MAP4: variants seen among roughly 807,000 people sequenced by gnomAD.
The protein encoded by MAP4 is microtubule-associated protein 4.
Under a neutral mutation model 170.2 loss-of-function variants are expected in MAP4, and 76 were observed. The ratio of observed to expected loss-of-function variants is 0.45; its 90% CI spans 0.37 to 0.54. MAP4 has a LOEUF of 0.54. Ranked by LOEUF, MAP4 falls within the 20% of genes least tolerant of loss-of-function variation. The pLI is 0.00. For synonymous variants in MAP4, 909 were observed against 994.5 expected (o/e 0.91, Z 1.62); for missense variants, 2,506 against 2,748.0 (o/e 0.91, Z 1.97).
chr3:47,910,006 T>G lies in MAP4; in HGVS notation c.4415A>C (p.Gln1472Pro). The G allele has an allele frequency of 6.2e-7, 1 of 1,614,054 alleles. No individual in the cohort carries two copies. The highest frequency in any genetic ancestry group is 8.5e-7 in the Non-Finnish European group (1 of 1,179,896). Reference sequence around the variant, plus strand: ...ATCTACCATTAATGATTTGGAAATCTGGGCTGGGGCTATCTCTTGCCCATT... The same window carrying G: ...ATCTACCATTAATGATTTGGAAATCGGGGCTGGGGCTATCTCTTGCCCATT... ...AKNGQEIAPA[Q>P]ISKSLMVDNY... is the part of the protein sequence containing the mutation. The change falls in exon 9 of 21, where the codon CAG (glutamine) becomes CCG (proline). Residue 1472 changes from glutamine to proline, a missense_variant. Transcript: ENST00000683076.
chr3:47,938,920 T>C (rs1246360359), intron 3 of MAP4, among the ~76,000 whole-genome samples: 1 of 152,242 alleles, frequency 6.6e-6, no homozygotes, highest in Non-Finnish European at 1.5e-5. Context: ...CAAAACATTA[T>C]TACGGCAAAT....
chr3:47,891,305 T>C (rs1379387564), intron 10 of MAP4: 1 of 1,536,210 alleles, frequency 6.5e-7, no homozygotes, highest in Non-Finnish European at 8.7e-7. Context: ...AGCCAATTCT[T>C]CTCTCTTCTT....
chr3:47,990,840 TTA>T (rs2100091717), intron 2 of MAP4, among the ~76,000 whole-genome samples: 1 of 4,134 alleles, frequency 2.4e-4, no homozygotes, highest in Admixed American at 8.6e-3. Context: ...AATTTTCTTT[TTA>T]TTTTTTTCTT....
At chr3:47,886,642 G>C (rs966824793) in intron 10 of MAP4, among the ~76,000 whole-genome samples, 14 of 152,184 alleles carry the variant, frequency 9.2e-5, no homozygotes, top group Non-Finnish European at 1.6e-4. Flanking sequence ...CATATCCCCA[G>C]AGTTTCACAA....
intron 8 of MAP4, among the ~76,000 whole-genome samples, chr3:47,913,109 A>AAT (rs1429848159): frequency 6.6e-6 from 1 of 152,200 alleles, no homozygotes; most frequent in Admixed American, 6.5e-5. Flanking sequence ...AAGACAGAGA[A>AAT]ATATATATAA....
chr3:47,892,629 T>C, intron 10 of MAP4: 1 of 1,412,196 alleles, frequency 7.1e-7, no homozygotes. Flanking sequence ...TGCCCCTCTC[T>C]CCTCAAGCAG....
intron 6 of MAP4, among the ~76,000 whole-genome samples, chr3:47,917,753 G>A (rs578150362): frequency 3.3e-5 from 5 of 152,194 alleles, no homozygotes; most frequent in African/African-American, 1.2e-4. Flanking sequence ...AAATAACACG[G>A]GCACAGAATT....
chr3:47,984,960 C>A (rs940536943), intron 2 of MAP4, among the ~76,000 whole-genome samples: 1 of 150,162 alleles, frequency 6.7e-6, no homozygotes, highest in African/African-American at 2.5e-5. Context: ...CAAAGTGAGA[C>A]CCCGTCTTAA....
chr3:48,028,450 G>C (rs1452883212), intron 1 of MAP4, among the ~76,000 whole-genome samples: 1 of 152,048 alleles, frequency 6.6e-6, no homozygotes. Flanking sequence ...AGACAGGAAA[G>C]GTGTGAGAGG....
intron 1 of MAP4, among the ~76,000 whole-genome samples, chr3:48,050,217 A>G (rs2100126929): frequency 6.6e-6 from 1 of 150,780 alleles, no homozygotes. Context: ...CCGAGATGAC[A>G]CTACTGCACT....
At chr3:48,006,116 AC>A (rs566717605) in intron 1 of MAP4, among the ~76,000 whole-genome samples, 2 of 152,218 alleles carry the variant, frequency 1.3e-5, no homozygotes, top group Non-Finnish European at 2.9e-5. Context: ...GGTCGAATGG[AC>A]AAAAGACTAA....
chr3:47,888,452 G>A lies in MAP4; in HGVS notation c.5435-10929C>T, dbSNP rs2098015209. On this transcript the variant is annotated intron_variant, in intron 10 of 20. Coordinates refer to ENST00000683076, the MANE Select transcript of MAP4 (RefSeq NM_001385682.1). Reference sequence around the variant, plus strand: ...CAGTGAGACCACAAACCCACCGGGAGGAACGAACAACTCCAGACGCGCTGC... The same window carrying A: ...CAGTGAGACCACAAACCCACCGGGAAGAACGAACAACTCCAGACGCGCTGC... Among the ~76,000 whole-genome samples the A allele has an allele frequency of 2.6e-5, 4 of 152,068 alleles. No homozygotes were observed. In the South Asian group the frequency reaches 8.3e-4, roughly 32 times the overall value.
intron 17 of MAP4, among the ~76,000 whole-genome samples, chr3:47,862,791 TA>T (rs1302171794): frequency 6.6e-6 from 1 of 152,110 alleles, no homozygotes; most frequent in East Asian, 1.9e-4. Context: ...GCTGAAGTAT[TA>T]ACAAATAAAT....
chr3:47,891,977 G>T (rs1292775244), intron 10 of MAP4: 4 of 1,536,298 alleles, frequency 2.6e-6, no homozygotes, highest in Non-Finnish European at 3.5e-6. Flanking sequence ...ATATCTGGTA[G>T]GGATGTCAGC....
At chr3:48,076,392 C>T (rs537190501) in intron 1 of MAP4, among the ~76,000 whole-genome samples, 1 of 151,564 alleles carries the variant, frequency 6.6e-6, no homozygotes, top group Non-Finnish European at 1.5e-5. Flanking sequence ...GTCCCAGCTA[C>T]TTGGGAGGCT....
intron 1 of MAP4, among the ~76,000 whole-genome samples, chr3:48,048,191 G>A (rs1393347915): frequency 6.6e-6 from 1 of 152,196 alleles, no homozygotes; most frequent in East Asian, 1.9e-4. Context: ...AATATTAACT[G>A]TGAATCTAAA....
At chr3:48,015,486 C>T (rs1359039980) in intron 1 of MAP4, among the ~76,000 whole-genome samples, 2 of 152,074 alleles carry the variant, frequency 1.3e-5, no homozygotes, top group African/African-American at 2.4e-5. Flanking sequence ...AACCCCACGT[C>T]GCCAGTGTGG....
chr3:47,921,913 G>T, intron 4 of MAP4, 35 bp from the exon 5 acceptor site: 1 of 891,422 alleles, frequency 1.1e-6, no homozygotes, highest in South Asian at 1.3e-5. Context: ...CTCATTCCTG[G>T]TGAATGCAAC....
chr3:48,004,443 C>A (rs1043239181), intron 1 of MAP4, among the ~76,000 whole-genome samples: 1 of 152,174 alleles, frequency 6.6e-6, no homozygotes, highest in Admixed American at 6.5e-5. Flanking sequence ...TGGTTGGTTG[C>A]TCCTAAGTTC....
Sources: gnomAD v4.1 joint callset for allele counts (sites outside exome capture counted in the v4.1 genomes callset) on GRCh38, gnomAD v4.1.1 for gene constraint, MANE v1.5 for transcripts, NCBI Gene and HGNC (gene_info 2026-07-23, HGNC 2026-07-21) for gene names.